Variants in CWC25 observed in about 807,000 individuals in gnomAD.
The protein encoded by CWC25 is pre-mRNA-splicing factor CWC25 homolog.
In CWC25, 31 loss-of-function variants were observed where a neutral mutation model predicts 54.6. That is an observed-to-expected ratio of 0.57 (90% confidence interval 0.43 to 0.77). The LOEUF is 0.77. CWC25 is among the 30% of genes least tolerant of loss of function. The pLI is 0.00. For missense variants in CWC25, 453 were observed against 529.3 expected (o/e 0.86, Z 1.41); for synonymous variants, 151 against 187.0 (o/e 0.81, Z 1.57).
At chr17:38,821,147 C>T in intron 1 of CWC25, 74 bp from the exon 2 acceptor site, 1 of 1,473,720 alleles carries the variant, frequency 6.8e-7, no homozygotes, top group Non-Finnish European at 9.2e-7. Flanking sequence ...CCCTGCCTCA[C>T]CCACCCTTCC....
In CWC25 at chr17:38,801,501, T is replaced by C. The variant is rs1911024977; in HGVS notation, c.*591A>G. ...ACAAAGCTAACCTTTTTTAAAAGCA[T>C]GTAAAAATTGTACATTTGTACATAT... On this transcript the variant is annotated 3_prime_UTR_variant, in exon 10 of 10. Transcript: ENST00000614790. The C allele has an allele frequency of 6.6e-6, 1 of 152,230 alleles. No homozygotes were observed. Among genetic ancestry groups the C allele is most frequent in the East Asian group, 1.9e-4 (1 of 5,206 alleles). The allele number at this position is 152,230 out of a possible 1,614,324, so 9.4% of individuals were successfully genotyped here. A position where few individuals can be genotyped will look rare whatever the true frequency, so the allele number is the denominator to read the frequency against.
chr17:38,821,919 C>A (rs1367064706), intron 1 of CWC25, among the ~76,000 whole-genome samples: 2 of 150,628 alleles, frequency 1.3e-5, no homozygotes, highest in African/African-American at 4.9e-5. Context: ...TAGGCACGTG[C>A]CACCATGCCT....
intron 4 of CWC25, 56 bp downstream of exon 4, chr17:38,812,739 T>G (rs557823223): frequency 4.9e-6 from 5 of 1,028,216 alleles, no homozygotes; most frequent in African/African-American, 3.2e-5. Flanking sequence ...TGGAGAGACG[T>G]TCTCACGTTA....
In CWC25 at chr17:38,810,504, T is replaced by C. The variant is rs747132752; in HGVS notation, c.590A>G (p.Asp197Gly). 1.2e-6 allele frequency: 2 copies of C among 1,606,528 alleles called. No individual in the cohort carries two copies. The highest frequency in any genetic ancestry group is 4.5e-5 in the East Asian group (2 of 44,758). The stretch of plus-strand genomic sequence containing the variant: ...GTGCTCATCCTCGCTGCTGGAACGA[T>C]CACTACTCGAGCTTCTGTGCTTATG... ...KKHKHRSSSS[D>G]RSSSEDEHSA... The change falls in exon 5 of 10, where the codon GAT becomes GGT. Residue 197 changes from aspartate (D) to glycine (G), a missense_variant. Around this residue, in one of 2 missense-constraint regions of CWC25, gnomAD observed 444 missense variants for 499.2 expected, o/e 0.89. Transcript: ENST00000614790.
chr17:38,815,598 G>T, intron 2 of CWC25: 1 of 970,070 alleles, frequency 1.0e-6, no homozygotes, highest in Non-Finnish European at 1.4e-6. Flanking sequence ...AGGCTTACGA[G>T]TGAATGGAGA....
At chr17:38,821,111 G>C in intron 1 of CWC25, 38 bp from the exon 2 acceptor site, 1 of 1,591,292 alleles carries the variant, frequency 6.3e-7, no homozygotes, top group Non-Finnish European at 8.5e-7. Flanking sequence ...TAATTCGGGG[G>C]GTGACTGAGT....
chr17:38,814,322 C>T lies in CWC25; in HGVS notation c.428+539G>A, dbSNP rs551317545. On this transcript the variant is annotated intron_variant, in intron 3 of 9. Transcript: ENST00000614790. ...TTTTTGAGACGGAGTCTCGCTCTGT[C>T]GCCCAGGCTGGAATGCAGTGGCGTG... Among the ~76,000 whole-genome samples, 4 of 150,078 alleles carry T rather than the reference C, an allele frequency of 2.7e-5. No homozygotes were observed. The South Asian group carries it at 6.3e-4, about 24-fold the overall frequency.
intron 8 of CWC25, among the ~76,000 whole-genome samples, chr17:38,804,859 C>A (rs1046837811): frequency 6.7e-6 from 1 of 150,112 alleles, no homozygotes; most frequent in African/African-American, 2.5e-5. Context: ...GTAATCCCAG[C>A]ACTCTGGGAG....
Position 38,810,546 on chromosome 17 carries a change from T to C in CWC25, c.548A>G (p.Lys183Arg). 1.3e-6 allele frequency: 2 copies of C among 1,586,616 alleles called. No homozygotes were observed. The highest frequency in any genetic ancestry group is 1.7e-6 in the Non-Finnish European group (2 of 1,163,738). The change falls in exon 5 of 10, where the codon AAA (lysine) becomes AGA (arginine). Residue 183 changes from lysine to arginine, a missense_variant. Transcript: ENST00000614790. ...GTGCTTATGTTTCTTGTGCTTCTTT[T>C]TCTTCTCCTTCTTTTTCTTCTTCTC... Reference protein sequence around the residue: ...KKEKKKKKEKKKKHKKHKHRS... With the variant: ...KKEKKKKKEKRKKHKKHKHRS...
Position 38,809,772 on chromosome 17 carries a change from G to C in CWC25, c.627-7C>G, listed in dbSNP as rs765265344. 3 of 1,613,022 alleles carry C rather than the reference G, an allele frequency of 1.9e-6. No homozygotes were observed. The African/African-American group carries it at 4.0e-5, about 22-fold the overall frequency. On this transcript the variant is annotated splice_region_variant and splice_polypyrimidine_tract_variant and intron_variant, in intron 5 of 9. Transcript: ENST00000614790. ...TGCCATCTTCTTCTGTGATCTAAGA[G>C]ATCAAAATACACACACTCATTGAAA...
Position 38,808,381 on chromosome 17 carries a change from C to CA in CWC25, c.690+1320dup, listed in dbSNP as rs1204355591. Among the ~76,000 whole-genome samples the CA allele has an allele frequency of 9.8e-4, 105 of 107,324 alleles. 5 individuals are homozygous for CA. Among genetic ancestry groups the CA allele is most frequent in the East Asian group, 1.4e-3 (5 of 3,618 alleles). The allele number at this position is 107,324 out of a possible 152,430, so 70.4% of individuals were successfully genotyped here. On this transcript the variant is annotated intron_variant, in intron 6 of 9. Coordinates refer to ENST00000614790, the MANE Select transcript of CWC25 (RefSeq NM_017748.5). ...TGGGCGACAGAGCGAGACTCCCTCT[C>CA]AAAAAAAAAAAAGAAAGAAAAGAAT...
At chr17:38,808,158 GCA>G (rs1911332150) in intron 6 of CWC25, among the ~76,000 whole-genome samples, 1 of 140,006 alleles carries the variant, frequency 7.1e-6, no homozygotes. Flanking sequence ...GCCAAGACGG[GCA>G]GATCACAAGG....
chr17:38,805,845 C>T (rs991373489), intron 8 of CWC25, among the ~76,000 whole-genome samples: 1 of 151,244 alleles, frequency 6.6e-6, no homozygotes, highest in Non-Finnish European at 1.5e-5. Flanking sequence ...CAAAGTCTTG[C>T]ACTGTCGCCT....
At chr17:38,820,350 G>C (rs983787529) in intron 2 of CWC25, among the ~76,000 whole-genome samples, 3 of 152,158 alleles carry the variant, frequency 2.0e-5, no homozygotes, top group African/African-American at 7.2e-5. Context: ...GGATGGGGTA[G>C]TTATTATCTG....
At chr17:38,813,366 G>A (rs924891965) in intron 3 of CWC25, among the ~76,000 whole-genome samples, 5 of 150,194 alleles carry the variant, frequency 3.3e-5, no homozygotes, top group African/African-American at 9.8e-5. Flanking sequence ...CTAGCTACTC[G>A]GGAGGCTGAC....
chr17:38,810,729 C>A, intron 4 of CWC25, 134 bp from the exon 5 acceptor site: 1 of 657,896 alleles, frequency 1.5e-6, no homozygotes. Flanking sequence ...TCGAGACCAG[C>A]CTGGCCAACA....
At chr17:38,815,526 TG>T in intron 2 of CWC25, 1 of 538,580 alleles carries the variant, frequency 1.9e-6, no homozygotes, top group Non-Finnish European at 3.3e-6. Flanking sequence ...CACTCCAGCC[TG>T]GGTGACGGAG....
rs2143535121 is a variant in CWC25, at chr17:38,801,943, C to T, written c.*149G>A. On this transcript the variant is annotated 3_prime_UTR_variant, in exon 10 of 10. Coordinates refer to ENST00000614790, the MANE Select transcript of CWC25 (RefSeq NM_017748.5). Reference sequence around the variant, plus strand: ...CACACTAGCTCTCAAAGGAAGTGAGCTGTTTCAGGACTCAATGAAGCAGGG... The same window carrying T: ...CACACTAGCTCTCAAAGGAAGTGAGTTGTTTCAGGACTCAATGAAGCAGGG... 1.9e-6 allele frequency: 1 copy of T among 533,102 alleles called. No homozygotes were observed. The highest frequency in any genetic ancestry group is 3.3e-6 in the Non-Finnish European group (1 of 299,972). 33.0% of individuals were successfully genotyped at this position (533,102 alleles called of 1,614,324 possible). A position where few individuals can be genotyped will look rare whatever the true frequency, so the allele number is the denominator to read the frequency against.
At chr17:38,807,503 TC>T (rs1911303695) in intron 6 of CWC25, among the ~76,000 whole-genome samples, 1 of 140,496 alleles carries the variant, frequency 7.1e-6, no homozygotes, top group Non-Finnish European at 1.6e-5. Flanking sequence ...ACACCTTGAA[TC>T]CCAACACTTT....
Sources: allele counts gnomAD v4.1 joint callset (sites outside exome capture counted in the v4.1 genomes callset), GRCh38; gene constraint gnomAD v4.1.1; regional missense constraint gnomAD v4.1.1; transcripts MANE v1.5; gene names NCBI Gene and HGNC (gene_info 2026-07-23, HGNC 2026-07-21).